Variants in ACTR3B observed in about 807,000 individuals in gnomAD.
ACTR3B encodes the protein actin related protein 3B, also known as actin-related protein 3B.
A neutral mutation model predicts 59.0 loss-of-function variants in ACTR3B; 8 were observed. The observed-to-expected ratio is 0.14, with a 90% CI of 0.08 to 0.24. ACTR3B has a LOEUF of 0.24. Among genes scored for constraint, ACTR3B ranks in the 10% least tolerant of loss-of-function variants. ACTR3B has a pLI of 1.00. For missense variants in ACTR3B, 245 were observed against 552.3 expected (o/e 0.44, Z 5.58); for synonymous variants, 148 against 197.9 (o/e 0.75, Z 2.12).
chr7:152,773,500 T>C (rs1483176421), intron 1 of ACTR3B, among the ~76,000 whole-genome samples: 2 of 151,868 alleles, frequency 1.3e-5, no homozygotes, highest in Non-Finnish European at 2.9e-5. Context: ...GGCAGGAGAA[T>C]CGCTTGAACC....
intron 1 of ACTR3B, among the ~76,000 whole-genome samples, chr7:152,773,300 A>G (rs1163345897): frequency 6.6e-6 from 1 of 152,080 alleles, no homozygotes; most frequent in African/African-American, 2.4e-5. Flanking sequence ...AAAAGAAAGT[A>G]AAAGGGGCCA....
At chr7:152,795,056 A>G (rs1406022675) in intron 2 of ACTR3B, among the ~76,000 whole-genome samples, 1 of 140,966 alleles carries the variant, frequency 7.1e-6, no homozygotes, top group Non-Finnish European at 1.5e-5. Context: ...TTTTTTTGAG[A>G]TGGAGTCTCA....
At chr7:152,790,106 C>T (rs2098190383) in intron 2 of ACTR3B, among the ~76,000 whole-genome samples, 2 of 151,122 alleles carry the variant, frequency 1.3e-5, no homozygotes, top group Non-Finnish European at 1.5e-5. Flanking sequence ...GATCCTCCCA[C>T]CTCAGCCTCC....
At chr7:152,831,965 A>C (rs531854346) in intron 9 of ACTR3B, among the ~76,000 whole-genome samples, 13 of 152,148 alleles carry the variant, frequency 8.5e-5, no homozygotes, top group African/African-American at 3.1e-4. Flanking sequence ...GCAGGAGTGT[A>C]ATGTGACCCA....
At chr7:152,775,649 C>T (rs1435507413) in intron 1 of ACTR3B, among the ~76,000 whole-genome samples, 1 of 151,936 alleles carries the variant, frequency 6.6e-6, no homozygotes, top group Admixed American at 6.6e-5. Flanking sequence ...GTCCCAGCTA[C>T]TCAGGAGGCT....
intron 1 of ACTR3B, among the ~76,000 whole-genome samples, chr7:152,764,155 A>G (rs2098100147): frequency 6.6e-6 from 1 of 151,360 alleles, no homozygotes; most frequent in Non-Finnish European, 1.5e-5. Context: ...ATAGGTGTAC[A>G]CCACCACGCA....
intron 9 of ACTR3B, among the ~76,000 whole-genome samples, chr7:152,835,572 G>A (rs2116930063): frequency 6.6e-6 from 1 of 152,328 alleles, no homozygotes; most frequent in South Asian, 2.1e-4. Flanking sequence ...AAGTGAGCGT[G>A]TGCTTTTGGG....
intron 1 of ACTR3B, among the ~76,000 whole-genome samples, chr7:152,772,835 A>G (rs1376065394): frequency 1.3e-5 from 2 of 151,574 alleles, no homozygotes; most frequent in Non-Finnish European, 2.9e-5. Flanking sequence ...CTCAACCTTA[A>G]AAATGTCAAC....
intron 2 of ACTR3B, among the ~76,000 whole-genome samples, chr7:152,797,120 T>A (rs1020111246): frequency 6.6e-6 from 1 of 152,108 alleles, no homozygotes; most frequent in Non-Finnish European, 1.5e-5. Flanking sequence ...TGATATAGGG[T>A]CTCACTCTGT....
At chr7:152,780,208 G>C (rs2310886) in intron 1 of ACTR3B, among the ~76,000 whole-genome samples, 110,099 of 151,412 alleles carry the variant, frequency 0.73, 40,305 homozygotes, top group East Asian at 0.86. Flanking sequence ...AAAATTAGCC[G>C]GGTGTGGTGG....
rs538201731 is a variant in ACTR3B, at chr7:152,838,448, C to A, written c.951+13326C>A. Among the ~76,000 whole-genome samples, 20 of 152,342 alleles carry A rather than the reference C, an allele frequency of 1.3e-4. No homozygotes were observed. The South Asian group carries it at 3.9e-3, about 30-fold the overall frequency. ...ACTATCACAGGAACAGAAAACCAAA[C>A]ACTGCATGTTCTCACTCGTAAGTGG... On this transcript the variant is annotated intron_variant, in intron 9 of 11. Transcript: ENST00000256001.
intron 10 of ACTR3B, 45 bp downstream of exon 10, chr7:152,852,296 A>G (rs1337122924): frequency 1.8e-5 from 27 of 1,524,938 alleles, no homozygotes; most frequent in Non-Finnish European, 2.1e-5. Context: ...CTATTGCCCC[A>G]GGCCTGACCG....
intron 1 of ACTR3B, among the ~76,000 whole-genome samples, chr7:152,768,558 C>T (rs2098116499): frequency 6.6e-6 from 1 of 152,134 alleles, no homozygotes; most frequent in Non-Finnish European, 1.5e-5. Flanking sequence ...CTCACTGCAA[C>T]CTCCACCTCC....
chr7:152,818,450 C>T (rs1248188652), intron 6 of ACTR3B, among the ~76,000 whole-genome samples: 1 of 98,658 alleles, frequency 1.0e-5, no homozygotes, highest in East Asian at 4.3e-4. Flanking sequence ...TCTTTAAGCT[C>T]TTTTTCTTTT....
intron 2 of ACTR3B, among the ~76,000 whole-genome samples, chr7:152,790,355 T>A (rs951759509): frequency 6.6e-6 from 1 of 152,232 alleles, no homozygotes; most frequent in African/African-American, 2.4e-5. Flanking sequence ...TTTCTTTTTT[T>A]TCTTCTTGTA....
At position 152,806,415 on chromosome 7, in the gene ACTR3B, G is replaced by A. The variant is rs554830011; in HGVS notation, c.336+4684G>A. On this transcript the variant is annotated intron_variant, in intron 4 of 11. Transcript: ENST00000256001. ...ATTTTAATTCTTCAAAGACGGTGAAGTGTTTTTGGCAGCAAGTAATAGAAG... is the reference window on the plus strand; with the variant it reads ...ATTTTAATTCTTCAAAGACGGTGAAATGTTTTTGGCAGCAAGTAATAGAAG... 2.8e-3 allele frequency among the ~76,000 whole-genome samples: 428 copies of A among 152,344 alleles called. 3 individuals carry two copies. Among genetic ancestry groups the A allele is most frequent in the African/African-American group, 9.8e-3 (408 of 41,566 alleles).
chr7:152,792,781 C>T (rs2098201310), intron 2 of ACTR3B, among the ~76,000 whole-genome samples: 1 of 151,910 alleles, frequency 6.6e-6, no homozygotes, highest in Admixed American at 6.6e-5. Flanking sequence ...ACAAAAACAA[C>T]AACAACAAAA....
intron 9 of ACTR3B, among the ~76,000 whole-genome samples, chr7:152,829,357 A>G (rs1286108988): frequency 1.3e-5 from 2 of 151,438 alleles, no homozygotes; most frequent in Non-Finnish European, 2.9e-5. Context: ...ACATCTCCCC[A>G]CTCCGCAGCC....
chr7:152,774,858 T>C (rs1299378814), intron 1 of ACTR3B, among the ~76,000 whole-genome samples: 3 of 152,220 alleles, frequency 2.0e-5, no homozygotes, highest in African/African-American at 7.2e-5. Context: ...AATATGGAGA[T>C]TGTGCGTTGC....
Sources: allele counts gnomAD v4.1 joint callset (sites outside exome capture counted in the v4.1 genomes callset), GRCh38; gene constraint gnomAD v4.1.1; transcripts MANE v1.5; gene names NCBI Gene and HGNC (gene_info 2026-07-23, HGNC 2026-07-21).